TMEM164: variants seen among roughly 807,000 people sequenced by gnomAD.
TMEM164 encodes transmembrane protein 164, also known as RP13-360B22.2.
TMEM164 carries 4 observed loss-of-function variants against 18.8 expected under a neutral mutation model. That is an observed-to-expected ratio of 0.21 (90% CI 0.10 to 0.49). TMEM164 has a LOEUF of 0.49. Among genes scored for constraint, TMEM164 ranks in the 20% least tolerant of loss-of-function variants. The pLI is 0.98. For synonymous variants in TMEM164, 86 were observed against 101.7 expected, an observed-to-expected ratio of 0.85 and a Z score of 0.93; for missense variants, 108 against 239.9, an observed-to-expected ratio of 0.45 and a Z score of 3.63.
At chrX:110,064,976 A>T (rs990510778) in intron 2 of TMEM164, 2 of 91,137 alleles carry the variant, frequency 2.2e-5, no homozygotes, top group Non-Finnish European at 2.2e-5. Flanking sequence ...CAGCCTGGAT[A>T]ACAGAGTGAG....
At chrX:110,119,904 G>T (rs1163645047) in intron 4 of TMEM164, among the ~76,000 whole-genome samples, 1 of 111,838 alleles carries the variant, frequency 8.9e-6, no homozygotes, top group African/African-American at 3.3e-5. Context: ...TAATGTGAAG[G>T]GGGCTTTGTT....
intron 3 of TMEM164, among the ~76,000 whole-genome samples, chrX:110,084,950 A>G (rs1172716343): frequency 2.7e-5 from 3 of 110,147 alleles, no homozygotes; most frequent in Non-Finnish European, 5.7e-5. Flanking sequence ...TACTTACCCT[A>G]GGTTGTCTTT....
chrX:110,131,636 A>G (rs2066613245), intron 4 of TMEM164, among the ~76,000 whole-genome samples: 1 of 109,742 alleles, frequency 9.1e-6, no homozygotes, highest in Non-Finnish European at 1.9e-5. Flanking sequence ...TCCACATACA[A>G]GCCAATTTTC....
chrX:110,038,059 C>T (rs1412232520), intron 2 of TMEM164, among the ~76,000 whole-genome samples: 3 of 97,079 alleles, frequency 3.1e-5, no homozygotes, highest in Non-Finnish European at 4.0e-5. Flanking sequence ...GGCAGGATCT[C>T]GGCTCACTGC....
At chrX:110,047,910 A>C (rs1007872359) in intron 2 of TMEM164, among the ~76,000 whole-genome samples, 4 of 111,744 alleles carry the variant, frequency 3.6e-5, no homozygotes, top group African/African-American at 6.5e-5. Flanking sequence ...GATGGGGAAA[A>C]GCCTCAGGGT....
chrX:110,175,740 A>C lies in TMEM164; in HGVS notation c.*2289A>C. 1 of 754,273 alleles carries C rather than the reference A, an allele frequency of 1.3e-6. No homozygotes were observed. The highest frequency in any genetic ancestry group is 1.6e-6 in the Non-Finnish European group (1 of 639,351). 62.2% of individuals were successfully genotyped at this position (754,273 alleles called of 1,213,427 possible). A position where few individuals can be genotyped will look rare whatever the true frequency, so the allele number is the denominator to read the frequency against. On this transcript the variant is annotated 3_prime_UTR_variant, in exon 7 of 7. Coordinates refer to ENST00000372068, the MANE Select transcript of TMEM164 (RefSeq NM_032227.4). Reference sequence around the variant, plus strand: ...AGAAACATGTAGGTCAAAAGAATAGAGGGGGCCCAGTCTATAGGCTTCACA... The same window carrying C: ...AGAAACATGTAGGTCAAAAGAATAGCGGGGGCCCAGTCTATAGGCTTCACA...
At chrX:110,112,669 C>T (rs1429509295) in intron 4 of TMEM164, among the ~76,000 whole-genome samples, 1 of 112,068 alleles carries the variant, frequency 8.9e-6, no homozygotes, top group Non-Finnish European at 1.9e-5. Flanking sequence ...TTCCCAAGAT[C>T]ACAGTGCGCC....
chrX:110,031,167 G>A (rs1278133899), intron 2 of TMEM164, among the ~76,000 whole-genome samples: 2 of 111,891 alleles, frequency 1.8e-5, no homozygotes, highest in African/African-American at 6.5e-5. Flanking sequence ...TCGGTTTTCT[G>A]TTCCTATGTT....
Position 110,129,485 on chromosome X carries a change from G to A in TMEM164, c.508-15313G>A, listed in dbSNP as rs566565421. The stretch of plus-strand genomic sequence containing the variant: ...CTACTTTGGGTGAAAATTGGATGCC[G>A]TATCCCACTTATGTCTCTGGGTTCC... On this transcript the variant is annotated intron_variant, in intron 4 of 6. Transcript: ENST00000372068. Among the ~76,000 whole-genome samples the A allele has an allele frequency of 1.1e-4, 12 of 112,583 alleles. No homozygotes were observed. In the South Asian group the frequency reaches 2.2e-3, roughly 20 times the overall value.
At chrX:110,099,550 ATTATG>A (rs1260609102) in intron 3 of TMEM164, among the ~76,000 whole-genome samples, 1 of 112,517 alleles carries the variant, frequency 8.9e-6, no homozygotes, top group Non-Finnish European at 1.9e-5. Context: ...ATTCTGGACT[ATTATG>A]TTTCATTGAT....
chrX:110,038,652 C>A (rs147099734), intron 2 of TMEM164, among the ~76,000 whole-genome samples: 591 of 110,214 alleles, frequency 5.4e-3, no homozygotes, highest in African/African-American at 0.018. Flanking sequence ...CCTCACCTCA[C>A]CTGGCATCAC....
chrX:110,175,754 A>G lies in TMEM164; in HGVS notation c.*2303A>G, dbSNP rs1050624715. On this transcript the variant is annotated 3_prime_UTR_variant, in exon 7 of 7. Coordinates refer to ENST00000372068, the MANE Select transcript of TMEM164 (RefSeq NM_032227.4). ...CAAAAGAATAGAGGGGGCCCAGTCTATAGGCTTCACAAGGAGCCATGGCCT... is the reference window on the plus strand; with the variant it reads ...CAAAAGAATAGAGGGGGCCCAGTCTGTAGGCTTCACAAGGAGCCATGGCCT... The G allele has an allele frequency of 1.7e-5, 13 of 753,376 alleles. No homozygotes were observed. The highest frequency in any genetic ancestry group is 7.6e-4 in the Middle Eastern group (1 of 1,322). The allele number at this position is 753,376 out of a possible 1,213,427, so 62.1% of individuals were successfully genotyped here.
At chrX:110,155,796 C>T (rs1169715128) in intron 5 of TMEM164, among the ~76,000 whole-genome samples, 1 of 112,400 alleles carries the variant, frequency 8.9e-6, no homozygotes, top group Non-Finnish European at 1.9e-5. Flanking sequence ...GAAGACCAAA[C>T]TTCTTTGCAT....
At chrX:110,045,951 C>T in intron 2 of TMEM164, 1 of 533,506 alleles carries the variant, frequency 1.9e-6, no homozygotes, top group Non-Finnish European at 2.3e-6. Flanking sequence ...AATGGGATAC[C>T]TGTATTCTTT....
At chrX:110,103,045 G>T (rs1471958326) in intron 3 of TMEM164, among the ~76,000 whole-genome samples, 1 of 112,234 alleles carries the variant, frequency 8.9e-6, no homozygotes, top group Non-Finnish European at 1.9e-5. Context: ...TCAAAACCAT[G>T]GTGCTTGCCA....
intron 3 of TMEM164, among the ~76,000 whole-genome samples, chrX:110,078,869 TG>T (rs1281535091): frequency 3.6e-5 from 4 of 111,686 alleles, no homozygotes; most frequent in Admixed American, 1.9e-4. Flanking sequence ...GTATATAATA[TG>T]AGGAGATTTC....
At chrX:110,067,162 A>G (rs1208522373) in intron 2 of TMEM164, among the ~76,000 whole-genome samples, 185 bp from the exon 3 acceptor site, 2 of 110,649 alleles carry the variant, frequency 1.8e-5, no homozygotes, top group Non-Finnish European at 3.8e-5. Flanking sequence ...GCGCACACAC[A>G]CACACACACA....
intron 3 of TMEM164, among the ~76,000 whole-genome samples, chrX:110,091,996 T>G (rs1364204344): frequency 8.9e-6 from 1 of 111,920 alleles, no homozygotes; most frequent in Non-Finnish European, 1.9e-5. Context: ...TTTTGTCAGG[T>G]TTGTCAGAGA....
intron 3 of TMEM164, among the ~76,000 whole-genome samples, chrX:110,085,683 A>C (rs980419718): frequency 9.0e-6 from 1 of 110,947 alleles, no homozygotes; most frequent in Non-Finnish European, 1.9e-5. Flanking sequence ...TGCTGGACCC[A>C]TATGGAATCG....
Sources: gnomAD v4.1 joint callset for allele counts (sites outside exome capture counted in the v4.1 genomes callset) on GRCh38, gnomAD v4.1.1 for gene constraint, MANE v1.5 for transcripts, NCBI Gene and HGNC (gene_info 2026-07-23, HGNC 2026-07-21) for gene names.